The following MINAR1 variants were observed in gnomAD, a reference collection of about 807,000 sequenced individuals.
MINAR1 encodes the protein major intrinsically disordered Notch2-binding receptor 1.
MINAR1 carries 40 observed loss-of-function variants against 65.1 expected under a neutral mutation model. The ratio of observed to expected loss-of-function variants is 0.61; its 90% CI spans 0.48 to 0.80. The LOEUF (loss-of-function observed/expected upper bound fraction) is 0.80, where lower values mean the gene tolerates loss of function less well. Among genes scored for constraint, MINAR1 ranks in the 30% least tolerant of loss-of-function variants. The pLI is 0.00. For missense variants in MINAR1, 1,128 were observed against 1,148.0 expected (o/e 0.98, Z 0.25); for synonymous variants, 482 against 449.1 (o/e 1.07, Z -0.93).
intron 1 of MINAR1, among the ~76,000 whole-genome samples, chr15:79,455,241 T>C (rs908443363): frequency 3.3e-5 from 5 of 152,226 alleles, no homozygotes; most frequent in Non-Finnish European, 5.9e-5. Flanking sequence ...TTACCACTAT[T>C]AGCATCTTAG....
chr15:79,449,511 A>AAAAGGG (rs375902875), intron 1 of MINAR1, among the ~76,000 whole-genome samples: 43,515 of 151,970 alleles, frequency 0.29, 7,320 homozygotes, highest in African/African-American at 0.48. Context: ...TCTTCACATA[A>AAAAGGG]CAAAAGGGCA....
chr15:79,430,427 C>T (rs1484767799), upstream of MINAR1, among the ~76,000 whole-genome samples: 1 of 152,182 alleles, frequency 6.6e-6, no homozygotes, highest in Non-Finnish European at 1.5e-5. Flanking sequence ...GTGGATTCAA[C>T]TGTTCTCGGT....
intron 2 of MINAR1, among the ~76,000 whole-genome samples, chr15:79,462,133 T>C (rs1895668023): frequency 6.6e-6 from 1 of 152,188 alleles, no homozygotes. Context: ...TGAATATTCA[T>C]GGAGTGTCTT....
chr15:79,462,903 G>C (rs1252508103), intron 2 of MINAR1, among the ~76,000 whole-genome samples, 164 bp from the exon 3 acceptor site: 1 of 152,160 alleles, frequency 6.6e-6, no homozygotes, highest in Non-Finnish European at 1.5e-5. Flanking sequence ...TTTTCCTAGA[G>C]AATTTCCCTC....
chr15:79,437,686 G>T (rs1894651256), intron 1 of MINAR1, among the ~76,000 whole-genome samples: 2 of 114,324 alleles, frequency 1.7e-5, no homozygotes, highest in Non-Finnish European at 3.8e-5. Flanking sequence ...TGGGTGGCGT[G>T]GGTAGTGAGT....
upstream of MINAR1, among the ~76,000 whole-genome samples, chr15:79,431,888 C>T (rs1338011667): frequency 1.3e-5 from 2 of 152,202 alleles, no homozygotes; most frequent in Non-Finnish European, 2.9e-5. Flanking sequence ...CGGCGGCGCT[C>T]TGACTCCCAC....
At chr15:79,426,068 C>A in the MINAR1 span, 3 of 152,220 alleles carry the variant, frequency 2.0e-5, no homozygotes, top group African/African-American at 4.8e-5. Context: ...CTCTGGCGTG[C>A]TTGGAGAGTG....
At chr15:79,443,519 T>A (rs778003135) in intron 1 of MINAR1, among the ~76,000 whole-genome samples, 5 of 152,204 alleles carry the variant, frequency 3.3e-5, no homozygotes, top group Non-Finnish European at 7.3e-5. Context: ...CATTTCCATA[T>A]AGATTTTTGC....
chr15:79,460,003 G>A (rs1895590965), intron 2 of MINAR1, among the ~76,000 whole-genome samples: 1 of 152,058 alleles, frequency 6.6e-6, no homozygotes, highest in Admixed American at 6.5e-5. Flanking sequence ...AGGTGCTTCT[G>A]TAGAAATATT....
At chr15:79,463,445 C>G (rs1378258501) in intron 3 of MINAR1, 124 bp downstream of exon 3, 3 of 1,108,524 alleles carry the variant, frequency 2.7e-6, no homozygotes, top group Non-Finnish European at 3.9e-6. Context: ...CCTGGGCCCC[C>G]AACATGGAAT....
intron 2 of MINAR1, among the ~76,000 whole-genome samples, chr15:79,462,749 G>A (rs534876308): frequency 9.9e-4 from 151 of 152,150 alleles, no homozygotes; most frequent in Non-Finnish European, 1.8e-3. Flanking sequence ...TGTGTGCCTC[G>A]GGGCAAGTTA....
chr15:79,461,433 C>T (rs117128313), intron 2 of MINAR1, among the ~76,000 whole-genome samples: 35 of 152,322 alleles, frequency 2.3e-4, no homozygotes, highest in Middle Eastern at 3.4e-3. Flanking sequence ...CAGTGGCTAC[C>T]GTCGTAGTTA....
At chr15:79,432,161 G>T (rs1016783933), upstream of MINAR1, among the ~76,000 whole-genome samples, 2 of 150,838 alleles carry the variant, frequency 1.3e-5, no homozygotes, top group African/African-American at 5.0e-5. Context: ...ACCGCCAGGG[G>T]TTGAGGGTGA....
At chr15:79,435,289 A>T (rs10851920) in intron 1 of MINAR1, among the ~76,000 whole-genome samples, 79,225 of 151,246 alleles carry the variant, frequency 0.52, 21,790 homozygotes, top group Admixed American at 0.63. Context: ...AAAAAAAAAA[A>T]AAATACGCAA....
chr15:79,426,131 G>A, the MINAR1 span: 1 of 152,318 alleles, frequency 6.6e-6, no homozygotes, highest in Non-Finnish European at 1.5e-5. Context: ...GGTGGGGCCA[G>A]AGAATCAGTA....
intron 1 of MINAR1, among the ~76,000 whole-genome samples, chr15:79,448,076 G>C (rs773714089): frequency 3.9e-5 from 6 of 152,134 alleles, no homozygotes; most frequent in Non-Finnish European, 8.8e-5. Flanking sequence ...TCTGGAATCT[G>C]GGCATTTAGC....
intron 3 of MINAR1, among the ~76,000 whole-genome samples, chr15:79,464,485 C>T (rs559956822): frequency 4.6e-5 from 7 of 152,306 alleles, no homozygotes; most frequent in Admixed American, 2.0e-4. Context: ...CCAGGAAGCT[C>T]GATAATTTGC....
rs1595924840 is a variant in MINAR1 at position 79,432,755 on chromosome 15, A to T, written c.-51+215A>T. Among the ~76,000 whole-genome samples, 3 of 152,102 alleles carry T rather than the reference A, an allele frequency of 2.0e-5. No individual in the cohort carries two copies. In the South Asian group the frequency reaches 6.2e-4, roughly 32 times the overall value. ...GTCGCTGCGCTCAGGGCAGCGGCGGAAAAGGTGTGTGCGGATGCGGGGCGG... is the reference window on the plus strand; with the variant it reads ...GTCGCTGCGCTCAGGGCAGCGGCGGTAAAGGTGTGTGCGGATGCGGGGCGG... On this transcript the variant is annotated intron_variant, in intron 1 of 3. Transcript: ENST00000305428.
chr15:79,429,624 A>ATTGCCC (rs1197398847), upstream of MINAR1, among the ~76,000 whole-genome samples: 2 of 152,176 alleles, frequency 1.3e-5, no homozygotes, highest in African/African-American at 2.4e-5. Flanking sequence ...GTCTCTTTCT[A>ATTGCCC]TTGCCCAGAC....
Sources: gnomAD v4.1 joint callset for allele counts (sites outside exome capture counted in the v4.1 genomes callset) on GRCh38, gnomAD v4.1.1 for gene constraint, MANE v1.5 for transcripts, NCBI Gene and HGNC (gene_info 2026-07-23, HGNC 2026-07-21) for gene names.